Variants in EIF4G3 observed in about 807,000 individuals in gnomAD.
EIF4G3 encodes eIF-4-gamma 3.
In EIF4G3, 34 loss-of-function variants were observed where a neutral mutation model predicts 186.4. The observed-to-expected ratio is 0.18, with a 90% CI of 0.14 to 0.24. The LOEUF is 0.24. EIF4G3 is among the 10% of genes least tolerant of loss of function. The pLI, the probability that EIF4G3 is intolerant of heterozygous loss-of-function variation, is 1.00. For missense variants in EIF4G3, 1,536 were observed against 1,948.5 expected (o/e 0.79, Z 3.99); for synonymous variants, 673 against 679.5 (o/e 0.99, Z 0.15).
At chr1:21,149,860 T>G (rs960433092) in intron 2 of EIF4G3, among the ~76,000 whole-genome samples, 2 of 152,240 alleles carry the variant, frequency 1.3e-5, no homozygotes, top group Admixed American at 6.5e-5. Flanking sequence ...TGGACATGTA[T>G]CTGTCATCAA....
At chr1:21,040,760 C>G (rs527426355) in intron 4 of EIF4G3, among the ~76,000 whole-genome samples, 1 of 152,114 alleles carries the variant, frequency 6.6e-6, no homozygotes, top group Non-Finnish European at 1.5e-5. Context: ...AAATCTGAGT[C>G]CCTGTGGATG....
In EIF4G3 at chr1:21,086,199, CTTTT is replaced by C. The variant is rs397979515; in HGVS notation, c.-196+2935_-196+2938del. Among the ~76,000 whole-genome samples, 11 of 95,200 alleles carry C rather than the reference CTTTT, an allele frequency of 1.2e-4. No homozygotes were observed. In the East Asian group the frequency reaches 1.2e-3, roughly 10 times the overall value. The allele number at this position is 95,200 out of a possible 152,430, so 62.5% of individuals were successfully genotyped here. A position where few individuals can be genotyped will look rare whatever the true frequency, so the allele number is the denominator to read the frequency against. The stretch of plus-strand genomic sequence containing the variant: ...AAATATCCATTACCTACATGATACT[CTTTT>C]TTTTTTTTTTTTTTTTTTGAGGGTC... On this transcript the variant is annotated intron_variant, in intron 3 of 36. Transcript: ENST00000602326.
intron 4 of EIF4G3, among the ~76,000 whole-genome samples, chr1:21,029,688 G>C (rs1414646989): frequency 6.6e-6 from 1 of 152,070 alleles, no homozygotes; most frequent in Non-Finnish European, 1.5e-5. Context: ...GTTAGTGATA[G>C]GATCAAGGGT....
At chr1:20,981,665 G>A (rs1440732130) in intron 8 of EIF4G3, among the ~76,000 whole-genome samples, 4 of 114,874 alleles carry the variant, frequency 3.5e-5, no homozygotes, top group Admixed American at 9.0e-5. Flanking sequence ...ACATGTATAC[G>A]CACATACTGT....
At chr1:21,163,147 A>C (rs1195346709) in intron 2 of EIF4G3, among the ~76,000 whole-genome samples, 2 of 152,226 alleles carry the variant, frequency 1.3e-5, no homozygotes, top group Non-Finnish European at 2.9e-5. Context: ...GGATCCTTTA[A>C]CTATGATTTT....
chr1:20,998,757 C>A, intron 6 of EIF4G3: 1 of 343,244 alleles, frequency 2.9e-6, no homozygotes, highest in Non-Finnish European at 5.8e-6. Context: ...GATACTAATA[C>A]GTTAGCTATT....
At chr1:20,868,509 C>A (rs1445553775) in intron 20 of EIF4G3, among the ~76,000 whole-genome samples, 1 of 152,022 alleles carries the variant, frequency 6.6e-6, no homozygotes, top group Non-Finnish European at 1.5e-5. Context: ...GTTACTGCCC[C>A]CCACCCACCT....
intron 12 of EIF4G3, among the ~76,000 whole-genome samples, chr1:20,965,282 T>C (rs185633840): frequency 8.3e-4 from 126 of 152,298 alleles, no homozygotes; most frequent in Middle Eastern, 6.8e-3. Context: ...CTTCCCCATG[T>C]ATACTCAATA....
At chr1:20,940,093 C>T (rs1208153508) in intron 14 of EIF4G3, among the ~76,000 whole-genome samples, 1 of 151,828 alleles carries the variant, frequency 6.6e-6, no homozygotes, top group Admixed American at 6.6e-5. Context: ...TGAGCTCAGG[C>T]AATCCACCTA....
chr1:21,087,173 T>C (rs1034893771), intron 3 of EIF4G3, among the ~76,000 whole-genome samples: 1 of 152,194 alleles, frequency 6.6e-6, no homozygotes, highest in East Asian at 1.9e-4. Flanking sequence ...CCTTTTAAGG[T>C]ATCCTATCTA....
At chr1:21,085,378 G>A (rs763164883) in intron 3 of EIF4G3, among the ~76,000 whole-genome samples, 3 of 152,106 alleles carry the variant, frequency 2.0e-5, no homozygotes, top group Non-Finnish European at 4.4e-5. Context: ...GAGAAAGGTT[G>A]TGCCAGAAAA....
chr1:20,892,691 C>G, intron 18 of EIF4G3: 1 of 1,536,080 alleles, frequency 6.5e-7, no homozygotes, highest in Non-Finnish European at 8.7e-7. Context: ...TGCTCTGTTC[C>G]AGAATTGGCA....
intron 20 of EIF4G3, among the ~76,000 whole-genome samples, chr1:20,879,087 C>G (rs561621188): frequency 8.5e-5 from 13 of 152,164 alleles, no homozygotes; most frequent in Admixed American, 8.5e-4. Context: ...ATCTTTCTTA[C>G]GCTGAATGGG....
chr1:21,035,884 C>T (rs954777641), intron 4 of EIF4G3, among the ~76,000 whole-genome samples: 1 of 152,140 alleles, frequency 6.6e-6, no homozygotes, highest in Non-Finnish European at 1.5e-5. Context: ...GGGCTGCCCA[C>T]GGACCAACTG....
chr1:21,083,348 CA>C (rs2095855074), intron 3 of EIF4G3, among the ~76,000 whole-genome samples: 3 of 151,926 alleles, frequency 2.0e-5, no homozygotes, highest in Admixed American at 2.0e-4. Flanking sequence ...TACACAAACA[CA>C]TTTTTTTTTT....
chr1:20,865,595 C>CT (rs1210132158), intron 20 of EIF4G3, among the ~76,000 whole-genome samples: 1 of 150,912 alleles, frequency 6.6e-6, no homozygotes, highest in South Asian at 2.1e-4. Context: ...GTTATTACTT[C>CT]TTTTTTTAAG....
chr1:21,096,697 G>C (rs1444463961), intron 2 of EIF4G3, among the ~76,000 whole-genome samples: 1 of 152,124 alleles, frequency 6.6e-6, no homozygotes, highest in Non-Finnish European at 1.5e-5. Context: ...ACATACATTT[G>C]GCAGACTTTA....
intron 6 of EIF4G3, among the ~76,000 whole-genome samples, chr1:20,999,960 CT>C (rs1468896411): frequency 3.9e-5 from 6 of 152,152 alleles, no homozygotes; most frequent in Middle Eastern, 3.4e-3. Flanking sequence ...TTACTCACCC[CT>C]TCTGGGCACA....
At chr1:21,041,722 C>T (rs569752274) in intron 4 of EIF4G3, among the ~76,000 whole-genome samples, 13 of 152,186 alleles carry the variant, frequency 8.5e-5, no homozygotes, top group African/African-American at 3.1e-4. Context: ...AATATGTCAC[C>T]TACTTAGGGG....
Sources: gnomAD v4.1 joint callset for allele counts (sites outside exome capture counted in the v4.1 genomes callset) on GRCh38, gnomAD v4.1.1 for gene constraint, MANE v1.5 for transcripts, NCBI Gene and HGNC (gene_info 2026-07-23, HGNC 2026-07-21) for gene names.